Variants in BAZ1A observed in about 807,000 individuals in gnomAD.
The protein encoded by BAZ1A is bromodomain adjacent to zinc finger domain 1A.
Under a neutral mutation model 185.2 loss-of-function variants are expected in BAZ1A, and 50 were observed. The observed-to-expected ratio is 0.27, with a 90% CI of 0.22 to 0.34. The LOEUF is 0.34. Among genes scored for constraint, BAZ1A ranks in the 10% least tolerant of loss-of-function variants. The pLI, the probability that BAZ1A is intolerant of heterozygous loss-of-function variation, is 1.00. For missense variants in BAZ1A, 1,356 were observed against 1,839.9 expected (o/e 0.74, Z 4.81); for synonymous variants, 571 against 615.6 (o/e 0.93, Z 1.07).
rs1482958735 is a variant in BAZ1A, at chr14:34,753,397, C to T, written c.*111G>A. On this transcript the variant is annotated 3_prime_UTR_variant, in exon 27 of 27. Transcript: ENST00000360310. ...ATTAAAATTGAGAATATAGTGCAGG[C>T]CACACTTTCATGTGGTCAATCAATT... The T allele has an allele frequency of 9.5e-7, 1 of 1,051,902 alleles. No homozygotes were observed. The highest frequency in any genetic ancestry group is 2.2e-5 in the Admixed American group (1 of 46,316). 65.2% of individuals were successfully genotyped at this position (1,051,902 alleles called of 1,614,324 possible).
At chr14:34,761,426 C>T (rs766545667) in intron 24 of BAZ1A, among the ~76,000 whole-genome samples, 2 of 152,018 alleles carry the variant, frequency 1.3e-5, no homozygotes, top group Non-Finnish European at 2.9e-5. Flanking sequence ...TGAGTATTTG[C>T]GTTTTGAGGG....
chr14:34,806,800 G>A (rs374702267), intron 6 of BAZ1A, among the ~76,000 whole-genome samples: 2 of 151,434 alleles, frequency 1.3e-5, no homozygotes, highest in Non-Finnish European at 2.9e-5. Context: ...CCAGGCTGGA[G>A]TGCAGTGATA....
At chr14:34,843,040 T>A (rs1051486111) in intron 3 of BAZ1A, among the ~76,000 whole-genome samples, 3 of 151,892 alleles carry the variant, frequency 2.0e-5, no homozygotes, top group African/African-American at 4.8e-5. Context: ...AGTTTAGTAG[T>A]CTTGTATTCA....
intron 24 of BAZ1A, among the ~76,000 whole-genome samples, chr14:34,759,844 T>C (rs1400686530): frequency 6.6e-6 from 1 of 151,936 alleles, no homozygotes; most frequent in Non-Finnish European, 1.5e-5. Flanking sequence ...CCAGCTAATT[T>C]TTGTATTTTT....
chr14:34,765,337 T>C, intron 21 of BAZ1A, 69 bp from the exon 22 acceptor site: 2 of 1,553,118 alleles, frequency 1.3e-6, no homozygotes, highest in Non-Finnish European at 1.7e-6. Context: ...AAATAGTTTG[T>C]TGGTAGTTTA....
intron 17 of BAZ1A, among the ~76,000 whole-genome samples, chr14:34,778,943 C>T (rs577222630): frequency 6.6e-6 from 1 of 152,300 alleles, no homozygotes; most frequent in South Asian, 2.1e-4. Context: ...CAGCCTTGAT[C>T]TCCCAGGCTC....
At position 34,776,295 on chromosome 14, in the gene BAZ1A, A is replaced by G. The variant is rs1879598797; in HGVS notation, c.2457T>C (p.Ser819=). The change falls in exon 18 of 27, where the codon TCT becomes TCC. Residue 819 remains serine (S), a synonymous_variant. Coordinates refer to ENST00000360310, the MANE Select transcript of BAZ1A (RefSeq NM_013448.3). ...RMYRRYWIFP[S]IPGLFIEEDY... ...CCTCTTCAATAAAGAGTCCAGGAAT[A>G]GAAGGGAAAATCCAGTATCGTCTAT... The G allele has an allele frequency of 6.2e-7, 1 of 1,613,836 alleles. No homozygotes were observed. The highest frequency in any genetic ancestry group is 1.6e-4 in the Middle Eastern group (1 of 6,062).
At chr14:34,873,789 CAAG>C (rs2042992706) in intron 2 of BAZ1A, among the ~76,000 whole-genome samples, 1 of 151,838 alleles carries the variant, frequency 6.6e-6, no homozygotes, top group Non-Finnish European at 1.5e-5. Flanking sequence ...AGTTAGTCAC[CAAG>C]AAGAGGCGGT....
rs78735701 is a variant in BAZ1A, at chr14:34,831,289, A to G, written c.393-5133T>C. Among the ~76,000 whole-genome samples the G allele has an allele frequency of 1.0e-2, 1,519 of 152,286 alleles. 27 individuals are homozygous for G. Among genetic ancestry groups the G allele is most frequent in the African/African-American group, 0.034 (1,431 of 41,556 alleles). On this transcript the variant is annotated intron_variant, in intron 3 of 26. Coordinates refer to ENST00000360310, the MANE Select transcript of BAZ1A (RefSeq NM_013448.3). ...AATAATGGCCAGATTTAGCTGATAC[A>G]GGGTAGGCACTACTTTGCTGAGCTC...
intron 25 of BAZ1A, chr14:34,758,462 C>T (rs944011994): frequency 5.5e-6 from 2 of 366,698 alleles, no homozygotes; most frequent in Non-Finnish European, 1.0e-5. Context: ...TGCCTGTAAT[C>T]CCAGTTACTC....
intron 6 of BAZ1A, among the ~76,000 whole-genome samples, chr14:34,805,149 G>C (rs1417332540): frequency 6.6e-6 from 1 of 152,116 alleles, no homozygotes. Flanking sequence ...GTTTCCTGAG[G>C]CCTCCCCAGA....
At chr14:34,793,729 G>A (rs538169707) in intron 11 of BAZ1A, among the ~76,000 whole-genome samples, 1 of 152,232 alleles carries the variant, frequency 6.6e-6, no homozygotes, top group African/African-American at 2.4e-5. Flanking sequence ...CAGATCACAA[G>A]GTCAGGAGTT....
intron 24 of BAZ1A, among the ~76,000 whole-genome samples, chr14:34,759,669 TTTTA>T (rs138644793): frequency 6.6e-6 from 1 of 151,302 alleles, no homozygotes; most frequent in Non-Finnish European, 1.5e-5. Flanking sequence ...CAGATCTTAA[TTTTA>T]TTTATTTTAT....
At chr14:34,797,034 C>CA (rs35654778) in intron 9 of BAZ1A, among the ~76,000 whole-genome samples, 3,342 of 148,096 alleles carry the variant, frequency 0.023, 135 homozygotes, top group African/African-American at 0.077. Context: ...GGACATAGTC[C>CA]AAAAAAAAAG....
intron 10 of BAZ1A, among the ~76,000 whole-genome samples, chr14:34,795,184 A>G (rs1430144489): frequency 6.6e-6 from 1 of 152,224 alleles, no homozygotes; most frequent in East Asian, 1.9e-4. Context: ...ATTTCCTAGT[A>G]AGAGTCTCTT....
intron 2 of BAZ1A, among the ~76,000 whole-genome samples, chr14:34,863,513 G>A (rs2138824130): frequency 6.6e-6 from 1 of 151,116 alleles, no homozygotes; most frequent in Admixed American, 6.6e-5. Context: ...TCCTCATGTT[G>A]GCCAGGCTGG....
chr14:34,798,938 T>C (rs1396250086), intron 9 of BAZ1A, among the ~76,000 whole-genome samples: 1 of 152,136 alleles, frequency 6.6e-6, no homozygotes, highest in Non-Finnish European at 1.5e-5. Flanking sequence ...TGCACACATA[T>C]GTTTATTGTG....
intron 4 of BAZ1A, among the ~76,000 whole-genome samples, chr14:34,821,637 T>C (rs761482827): frequency 2.2e-4 from 33 of 152,354 alleles, no homozygotes; most frequent in Non-Finnish European, 3.8e-4. Flanking sequence ...ACGTATTTTA[T>C]GATATTGATG....
At position 34,783,206 on chromosome 14, in the gene BAZ1A, A is replaced by C; in HGVS notation, c.2024T>G (p.Leu675Arg). ...TTTCATTTTTTGTTCTTGCTCCTTA[A>C]GTTTTTCTTCCTTCCTTTTACGAAT... is the stretch of plus-strand genomic sequence containing the variant. ...ARIRKRKEEK[L>R]KEQEQKMKEK... Residue 675 changes from leucine (L) to arginine (R), a missense_variant, in exon 16 of 27, where the codon CTT (leucine) becomes CGT (arginine). Leu to Arg is a moderately radical substitution (Grantham distance 102, BLOSUM62 -2). Coordinates refer to ENST00000360310, the MANE Select transcript of BAZ1A (RefSeq NM_013448.3). The C allele has an allele frequency of 6.3e-7, 1 of 1,599,296 alleles. No individual in the cohort carries two copies. The highest frequency in any genetic ancestry group is 8.5e-7 in the Non-Finnish European group (1 of 1,170,826).
Sources: allele counts gnomAD v4.1 joint callset (sites outside exome capture counted in the v4.1 genomes callset), GRCh38; gene constraint gnomAD v4.1.1; transcripts MANE v1.5; gene names NCBI Gene and HGNC (gene_info 2026-07-23, HGNC 2026-07-21).